The following CDH11 variants were observed in gnomAD, a reference collection of about 807,000 sequenced individuals.
The protein encoded by CDH11 is cadherin 11.
Under a neutral mutation model 67.8 loss-of-function variants are expected in CDH11, and 11 were observed. That is an observed-to-expected ratio of 0.16 (90% CI 0.10 to 0.27). The LOEUF (loss-of-function observed/expected upper bound fraction) is 0.27, where lower values mean the gene tolerates loss of function less well. Among genes scored for constraint, CDH11 ranks in the 10% least tolerant of loss-of-function variants. The pLI is 1.00. For missense variants in CDH11, 847 were observed against 1,031.2 expected (o/e 0.82, Z 2.45); for synonymous variants, 419 against 400.0 (o/e 1.05, Z -0.57).
At chr16:65,103,542 T>G (rs2075025534) in intron 1 of CDH11, among the ~76,000 whole-genome samples, 1 of 152,160 alleles carries the variant, frequency 6.6e-6, no homozygotes, top group Non-Finnish European at 1.5e-5. Flanking sequence ...ATTCTAACTT[T>G]TTTGTCTGAA....
chr16:65,100,999 T>C (rs1415993100), intron 1 of CDH11, among the ~76,000 whole-genome samples: 1 of 152,200 alleles, frequency 6.6e-6, no homozygotes, highest in Non-Finnish European at 1.5e-5. Context: ...TAATTGCTTT[T>C]CTAATATTGT....
chr16:64,948,569 A>G, intron 12 of CDH11: 1 of 1,119,090 alleles, frequency 8.9e-7, no homozygotes, highest in Non-Finnish European at 1.2e-6. Flanking sequence ...ATGTCTGAGA[A>G]AGAGTATTGG....
rs140059395 is a variant in CDH11, at chr16:65,081,011, C to T, written c.-297-27083G>A. Among the ~76,000 whole-genome samples, 361 of 152,160 alleles carry T rather than the reference C, an allele frequency of 2.4e-3. 2 individuals carry two copies. Among genetic ancestry groups the T allele is most frequent in the African/African-American group, 8.1e-3 (334 of 41,486 alleles). ...TGTATTGTATTTTATTGTATCATAC[C>T]AGTAAAAGCTATCTCTCAAATCATT... On this transcript the variant is annotated intron_variant, in intron 1 of 12. Coordinates refer to ENST00000268603, the MANE Select transcript of CDH11 (RefSeq NM_001797.4).
At position 64,982,262 on chromosome 16, in the gene CDH11, C is replaced by G. The variant is rs76181686; in HGVS notation, c.1039G>C (p.Val347Leu). 34,095 of 1,612,308 alleles carry G rather than the reference C, an allele frequency of 0.021. 457 individuals carry two copies. Among genetic ancestry groups the G allele is most frequent in the Non-Finnish European group, 0.023 (27,218 of 1,178,376 alleles). The change falls in exon 8 of 13, where the codon GTA (valine) becomes CTA (leucine). Residue 347 changes from valine to leucine, a missense_variant. This residue lies in a region of CDH11 where 612 missense variants were observed against 678.7 expected (regional missense o/e 0.90). Coordinates refer to ENST00000268603, the MANE Select transcript of CDH11 (RefSeq NM_001797.4). ...TCGATGTGCACGTTGGCTGCCTCTA[C>G]CTTCAAGCTATAGGCTCTTTTGGTT... Reference protein sequence around the residue: ...FETKRAYSLKVEAANVHIDPK... With the variant: ...FETKRAYSLKLEAANVHIDPK...
At chr16:65,042,433 G>A (rs2073882873) in intron 2 of CDH11, among the ~76,000 whole-genome samples, 1 of 152,138 alleles carries the variant, frequency 6.6e-6, no homozygotes, top group Admixed American at 6.5e-5. Flanking sequence ...AAAGGTGTGT[G>A]AGGAGACTTC....
chr16:65,092,076 G>T (rs1165907659), intron 1 of CDH11, among the ~76,000 whole-genome samples: 1 of 152,104 alleles, frequency 6.6e-6, no homozygotes, highest in African/African-American at 2.4e-5. Context: ...AGATTGTCCT[G>T]TCATAGATGT....
In CDH11 at chr16:64,946,482, T is replaced by C; in HGVS notation, c.*1121A>G. ...ATAAATGCATACTATATAACACATA[T>C]TGCAAAGTCATAGACTGACCTAGTT... On this transcript the variant is annotated 3_prime_UTR_variant, in exon 13 of 13. Coordinates refer to ENST00000268603, the MANE Select transcript of CDH11 (RefSeq NM_001797.4). 1 of 1,030,558 alleles carries C rather than the reference T, an allele frequency of 9.7e-7. No homozygotes were observed. Among genetic ancestry groups the C allele is most frequent in the South Asian group, 4.6e-5 (1 of 21,664 alleles). 63.8% of individuals were successfully genotyped at this position (1,030,558 alleles called of 1,614,324 possible).
intron 1 of CDH11, among the ~76,000 whole-genome samples, chr16:65,110,699 A>T (rs2075142587): frequency 1.3e-5 from 2 of 150,704 alleles, no homozygotes; most frequent in Admixed American, 6.6e-5. Context: ...CAAATTTAAA[A>T]CACAGGGGAT....
chr16:65,013,818 C>T (rs553966397), intron 2 of CDH11, among the ~76,000 whole-genome samples: 1 of 150,900 alleles, frequency 6.6e-6, no homozygotes, highest in Admixed American at 6.6e-5. Flanking sequence ...CAGAGCAAGA[C>T]TCCATCTCAA....
intron 2 of CDH11, among the ~76,000 whole-genome samples, chr16:65,045,372 T>TATATATATA (rs57988111): frequency 3.1e-5 from 4 of 127,136 alleles, no homozygotes; most frequent in Non-Finnish European, 6.6e-5. Context: ...TATATATATA[T>TATATATATA]GAACTGTTGC....
At chr16:65,033,209 C>A (rs976351539) in intron 2 of CDH11, among the ~76,000 whole-genome samples, 1 of 148,948 alleles carries the variant, frequency 6.7e-6, no homozygotes, top group Admixed American at 6.7e-5. Flanking sequence ...AGAAGGCCTG[C>A]GATGACACCC....
chr16:65,117,306 G>C (rs542158584), intron 1 of CDH11, among the ~76,000 whole-genome samples: 1 of 152,088 alleles, frequency 6.6e-6, no homozygotes, highest in South Asian at 2.1e-4. Context: ...ACACAAATAA[G>C]TAGCCACTTA....
At chr16:64,960,200 G>C (rs769484436) in intron 11 of CDH11, among the ~76,000 whole-genome samples, 3 of 152,042 alleles carry the variant, frequency 2.0e-5, no homozygotes, top group Non-Finnish European at 4.4e-5. Flanking sequence ...TGGGTGATGG[G>C]GTACTGACTT....
At chr16:65,106,096 GAAT>G (rs2075061586) in intron 1 of CDH11, among the ~76,000 whole-genome samples, 1 of 152,270 alleles carries the variant, frequency 6.6e-6, no homozygotes, top group South Asian at 2.1e-4. Context: ...TGTGTTAGGA[GAAT>G]AATACACATA....
rs544035690 is a variant in CDH11, at chr16:64,991,879, C to A, written c.700G>T (p.Val234Leu). The A allele has an allele frequency of 3.1e-6, 5 of 1,613,758 alleles. No homozygotes were observed. The highest frequency in any genetic ancestry group is 4.2e-6 in the Non-Finnish European group (5 of 1,179,796). The part of the protein sequence containing the change: ...MDREAKEEYH[V>L]VIQAKDMGGH... ...CCCATGTCCTTGGCCTGGATCACCA[C>A]GTGGTACTCCTCCTTGGCCTCCCTG... The change falls in exon 6 of 13, where the codon GTG becomes TTG. Residue 234 changes from valine to leucine, a missense_variant. This residue lies in a region of CDH11 where 235 missense variants were observed against 352.5 expected (regional missense o/e 0.67). Coordinates refer to ENST00000268603, the MANE Select transcript of CDH11 (RefSeq NM_001797.4).
intron 1 of CDH11, among the ~76,000 whole-genome samples, chr16:65,113,657 T>C (rs922738903): frequency 3.9e-5 from 6 of 152,024 alleles, no homozygotes; most frequent in Non-Finnish European, 8.8e-5. Flanking sequence ...GTGATGAGGA[T>C]GGTGAGAGGT....
intron 2 of CDH11, among the ~76,000 whole-genome samples, chr16:65,021,561 C>CAAAT (rs2073423813): frequency 1.4e-5 from 1 of 72,658 alleles, no homozygotes; most frequent in Admixed American, 1.1e-4. Context: ...TAAATACACA[C>CAAAT]ACACACACAT....
At chr16:65,029,528 G>C (rs1479090398) in intron 2 of CDH11, among the ~76,000 whole-genome samples, 2 of 152,154 alleles carry the variant, frequency 1.3e-5, no homozygotes, top group Non-Finnish European at 2.9e-5. Context: ...TTTCCCCCCA[G>C]TGAAGCAACT....
intron 11 of CDH11, among the ~76,000 whole-genome samples, chr16:64,951,831 C>A (rs2071370151): frequency 6.6e-6 from 1 of 152,032 alleles, no homozygotes; most frequent in African/African-American, 2.4e-5. Flanking sequence ...ATAACCCTTG[C>A]AGGAGATTTA....
Sources: allele counts gnomAD v4.1 joint callset (sites outside exome capture counted in the v4.1 genomes callset), GRCh38; gene constraint gnomAD v4.1.1; regional missense constraint gnomAD v4.1.1; transcripts MANE v1.5; gene names NCBI Gene and HGNC (gene_info 2026-07-23, HGNC 2026-07-21).